The following PEAR1 variants were observed in gnomAD, a reference collection of about 807,000 sequenced individuals.
PEAR1 encodes the protein multiple EGF-like domains protein 12.
Under a neutral mutation model 131.2 loss-of-function variants are expected in PEAR1, and 113 were observed. The observed-to-expected ratio is 0.86, with a 90% CI of 0.74 to 1.01. The LOEUF is 1.01. PEAR1 is among the 50% of genes least tolerant of loss of function. The probability of loss-of-function intolerance (pLI) is 0.00; values close to 1 mark genes in which losing one functional copy is unlikely to be tolerated. For missense variants in PEAR1, 1,408 were observed against 1,391.1 expected (o/e 1.01, Z -0.19); for synonymous variants, 565 against 523.3 (o/e 1.08, Z -1.09).
Position 156,909,153 on chromosome 1 carries a change from G to A in PEAR1, c.1411+117G>A. 3 of 1,365,908 alleles carry A rather than the reference G, an allele frequency of 2.2e-6. No individual in the cohort carries two copies. In the South Asian group the frequency reaches 4.0e-5, roughly 18 times the overall value. 84.6% of individuals were successfully genotyped at this position (1,365,908 alleles called of 1,614,324 possible). A position where few individuals can be genotyped will look rare whatever the true frequency, so the allele number is the denominator to read the frequency against. On this transcript the variant is annotated intron_variant, in intron 11 of 22. Transcript: ENST00000292357. ...GAGCGGCTGCAGGGTAAGGGTGGAG[G>A]GGCAGCAGCTGGACACAGGGAAAGT...
chr1:156,899,656 A>C (rs1280278328), intron 1 of PEAR1, among the ~76,000 whole-genome samples: 1 of 152,180 alleles, frequency 6.6e-6, no homozygotes, highest in Non-Finnish European at 1.5e-5. Context: ...TCATGGAGAC[A>C]GCTAATGTTA....
intron 1 of PEAR1, among the ~76,000 whole-genome samples, chr1:156,899,302 G>A (rs1390264983): frequency 1.3e-5 from 2 of 152,114 alleles, no homozygotes; most frequent in Non-Finnish European, 1.5e-5. Context: ...AGAGGAGGGG[G>A]CAGTCGGACC....
At chr1:156,897,874 C>A (rs1018527682) in intron 1 of PEAR1, among the ~76,000 whole-genome samples, 1 of 152,108 alleles carries the variant, frequency 6.6e-6, no homozygotes, top group Non-Finnish European at 1.5e-5. Context: ...AAGCTGGACC[C>A]CCTTGTAGGG....
At position 156,906,797 on chromosome 1, in the gene PEAR1, C is replaced by A. The variant is rs747873966; in HGVS notation, c.561C>A (p.Cys187Ter). 1.2e-6 allele frequency: 2 copies of A among 1,614,224 alleles called. No homozygotes were observed. Among genetic ancestry groups the A allele is most frequent in the Admixed American group, 3.3e-5 (2 of 60,034 alleles). ...CCCCTGGCTACTATGGCCCTGCCTG[C>A]CAGTTCCGCTGCCAGTGCCATGGGG... ...PCTPGYYGPACQFRCQCHGAP... is the reference protein window; with the variant it reads ...PCTPGYYGPA Residue 187 changes from cysteine (C) to a stop codon, truncating the protein, a stop_gained, in exon 6 of 23, where the codon TGC becomes TGA. Coordinates refer to ENST00000292357, the MANE Select transcript of PEAR1 (RefSeq NM_001080471.3). LOFTEE classifies it high-confidence loss of function.
At chr1:156,904,056 G>T in intron 2 of PEAR1, 29 bp downstream of exon 2, 1 of 1,578,208 alleles carries the variant, frequency 6.3e-7, no homozygotes, top group African/African-American at 1.3e-5. Context: ...CACCTTGAGG[G>T]CACCAAGCCC....
At chr1:156,905,188 C>T in intron 3 of PEAR1, 136 bp from the exon 4 acceptor site, 1 of 1,102,670 alleles carries the variant, frequency 9.1e-7, no homozygotes, top group East Asian at 2.6e-5. Context: ...ACTGCAACCT[C>T]AAACAGGGAA....
chr1:156,913,652 G>A (rs1221768220), intron 20 of PEAR1, 40 bp from the exon 21 acceptor site: 3 of 1,607,330 alleles, frequency 1.9e-6, no homozygotes, highest in South Asian at 1.1e-5. Flanking sequence ...GCCGGGGGAG[G>A]GGACAGAGGG....
At chr1:156,911,602 C>T (rs199614434) in intron 15 of PEAR1, among the ~76,000 whole-genome samples, 3,491 of 119,532 alleles carry the variant, frequency 0.029, 51 homozygotes, top group African/African-American at 0.035. Context: ...CCCTTTTTTT[C>T]TTTTGCATTT....
intron 12 of PEAR1, 34 bp from the exon 13 acceptor site, chr1:156,909,972 G>T: frequency 1.2e-6 from 2 of 1,612,810 alleles, no homozygotes; most frequent in Non-Finnish European, 1.7e-6. Context: ...TCCCCCAGCT[G>T]ACTGGCCTAC....
In PEAR1 at chr1:156,908,567, C is replaced by T. The variant is rs533653411; in HGVS notation, c.1116-88C>T. 653 of 1,334,182 alleles carry T rather than the reference C, an allele frequency of 4.9e-4. No homozygotes were observed. Among genetic ancestry groups the T allele is most frequent in the Middle Eastern group, 8.1e-4 (3 of 3,724 alleles). The allele number at this position is 1,334,182 out of a possible 1,614,324, so 82.6% of individuals were successfully genotyped here. ...GTGACCCCCTTACCCCAGCGATGTG[C>T]GAATCCCACTGACCACGCGGAGGGG... On this transcript the variant is annotated intron_variant, in intron 9 of 22. Coordinates refer to ENST00000292357, the MANE Select transcript of PEAR1 (RefSeq NM_001080471.3). This position sits in a 1 kb window ranked among gnomAD's most constrained non-coding sequence, Gnocchi z 4.2.
At chr1:156,905,276 A>G in intron 3 of PEAR1, 48 bp from the exon 4 acceptor site, 1 of 1,573,968 alleles carries the variant, frequency 6.4e-7, no homozygotes, top group Non-Finnish European at 8.7e-7. Context: ...CACTGTGGTG[A>G]GTGCGGACAG....
chr1:156,909,821 C>T lies in PEAR1; in HGVS notation c.1482C>T (p.Cys494=). Reference sequence around the variant, plus strand: ...GGGGCTTCAGTTGCAATGCCAGCTGCCAGTGTGCCCATGAGGCAGTCTGCA... The same window carrying T: ...GGGGCTTCAGTTGCAATGCCAGCTGTCAGTGTGCCCATGAGGCAGTCTGCA... ...GTWGFSCNAS[C]QCAHEAVCSP... is the part of the protein sequence containing the mutation. The change falls in exon 12 of 23, where the codon TGC becomes TGT. Residue 494 remains cysteine (C), a synonymous_variant. Transcript: ENST00000292357. The T allele has an allele frequency of 6.2e-7, 1 of 1,614,030 alleles. No homozygotes were observed. Among genetic ancestry groups the T allele is most frequent in the Non-Finnish European group, 8.5e-7 (1 of 1,179,902 alleles).
At chr1:156,896,352 T>A (rs1649160296) in intron 1 of PEAR1, among the ~76,000 whole-genome samples, 1 of 152,164 alleles carries the variant, frequency 6.6e-6, no homozygotes, top group African/African-American at 2.4e-5. Flanking sequence ...CTCCCCACAC[T>A]GCTTTGTGCT....
chr1:156,908,460 G>A lies in PEAR1; in HGVS notation c.1115+120G>A. 1 of 1,316,344 alleles carries A rather than the reference G, an allele frequency of 7.6e-7. No individual in the cohort carries two copies. 81.5% of individuals were successfully genotyped at this position (1,316,344 alleles called of 1,614,324 possible). A position where few individuals can be genotyped will look rare whatever the true frequency, so the allele number is the denominator to read the frequency against. Reference sequence around the variant, plus strand: ...GACAGGTGTCACAGAAGGGGAAAGGGAGGGACCTCAGGGGCCGGGAGGGGC... The same window carrying A: ...GACAGGTGTCACAGAAGGGGAAAGGAAGGGACCTCAGGGGCCGGGAGGGGC... On this transcript the variant is annotated intron_variant, in intron 9 of 22. Coordinates refer to ENST00000292357, the MANE Select transcript of PEAR1 (RefSeq NM_001080471.3). This position sits in a 1 kb window ranked among gnomAD's most constrained non-coding sequence, Gnocchi z 4.2.
chr1:156,911,039 T>TTC (rs1277021201), intron 15 of PEAR1, among the ~76,000 whole-genome samples: 11 of 68,076 alleles, frequency 1.6e-4, no homozygotes, highest in African/African-American at 6.6e-4. Context: ...TGATTTCTTT[T>TTC]TCTTTCTTTC....
rs995164361 is a variant in PEAR1 at position 156,912,800 on chromosome 1, C to T, written c.2240C>T (p.Thr747Ile). Residue 747 changes from threonine to isoleucine, a missense_variant, in exon 18 of 23, where the codon ACC (threonine) becomes ATC (isoleucine). Thr to Ile is a moderately conservative substitution (Grantham distance 89). Coordinates refer to ENST00000292357, the MANE Select transcript of PEAR1 (RefSeq NM_001080471.3). ...CAGGAGCCCTTTACTGTGATGCCGACCACTCCAGTAGCGTATAACTCGCTG... is the reference window on the plus strand; with the variant it reads ...CAGGAGCCCTTTACTGTGATGCCGATCACTCCAGTAGCGTATAACTCGCTG... ...GIQEPFTVMP[T>I]TPVAYNSLGA... 2 of 1,614,226 alleles carry T rather than the reference C, an allele frequency of 1.2e-6. No homozygotes were observed. The highest frequency in any genetic ancestry group is 1.7e-5 in the Admixed American group (1 of 60,026).
chr1:156,898,908 G>A (rs532726927), intron 1 of PEAR1, among the ~76,000 whole-genome samples: 1 of 152,352 alleles, frequency 6.6e-6, no homozygotes, highest in East Asian at 1.9e-4. Flanking sequence ...AGAAGCTGAT[G>A]AAGGAAGGGG....
Position 156,908,324 on chromosome 1 carries a change from C to T in PEAR1, c.1099C>T (p.Arg367Trp), listed in dbSNP as rs1650615347. 11 of 1,543,888 alleles carry T rather than the reference C, an allele frequency of 7.1e-6. No homozygotes were observed. Among genetic ancestry groups the T allele is most frequent in the East Asian group, 2.4e-5 (1 of 42,332 alleles). The change falls in exon 9 of 23, where the codon CGG becomes TGG. Residue 367 changes from arginine to tryptophan, a missense_variant. Arg to Trp is a moderately radical substitution (Grantham distance 101, BLOSUM62 -3). Transcript: ENST00000292357. The surrounding 1 kb of genome is among the most constrained non-coding windows in gnomAD (Gnocchi z 4.2). ...CTGCCAGGCCCCCTGCACCTGCGAC[C>T]GGGAGCACAGCCTCAGGTGGGCCGC... Reference protein sequence around the residue: ...LSCQAPCTCDREHSLSCHPMN... With the variant: ...LSCQAPCTCDWEHSLSCHPMN...
chr1:156,897,362 A>G (rs1649264565), intron 1 of PEAR1, among the ~76,000 whole-genome samples: 1 of 152,214 alleles, frequency 6.6e-6, no homozygotes, highest in African/African-American at 2.4e-5. Flanking sequence ...AGGGAGTCCA[A>G]CCTGGTGGGG....
Sources: allele counts gnomAD v4.1 joint callset (sites outside exome capture counted in the v4.1 genomes callset), GRCh38; gene constraint gnomAD v4.1.1; non-coding constraint Gnocchi (gnomAD v3.1); transcripts MANE v1.5; gene names NCBI Gene and HGNC (gene_info 2026-07-23, HGNC 2026-07-21).